The following FER variants were observed in gnomAD, a reference collection of about 807,000 sequenced individuals.
FER encodes FER tyrosine kinase, also known as tyrosine-protein kinase Fer.
Under a neutral mutation model 111.0 loss-of-function variants are expected in FER, and 63 were observed. That is an observed-to-expected ratio of 0.57 (90% CI 0.46 to 0.70). The LOEUF (loss-of-function observed/expected upper bound fraction) is 0.70. Ranked by LOEUF, FER falls within the 30% of genes least tolerant of loss-of-function variation. The pLI is 0.00. For missense variants in FER, 914 were observed against 954.0 expected, an observed-to-expected ratio of 0.96 and a Z score of 0.55; for synonymous variants, 327 against 313.9, an observed-to-expected ratio of 1.04 and a Z score of -0.44.
chr5:108,924,963 A>T (rs1017024458), intron 10 of FER, among the ~76,000 whole-genome samples: 2 of 152,092 alleles, frequency 1.3e-5, no homozygotes, highest in Non-Finnish European at 2.9e-5. Flanking sequence ...CTTAGATGCT[A>T]AACCAAAGCC....
chr5:108,802,704 G>C (rs969022806), intron 3 of FER, among the ~76,000 whole-genome samples: 1 of 151,862 alleles, frequency 6.6e-6, no homozygotes, highest in African/African-American at 2.4e-5. Context: ...TCTTTTTTAT[G>C]ACCATATAGT....
At chr5:109,131,324 T>A (rs1296611708) in intron 17 of FER, among the ~76,000 whole-genome samples, 6 of 152,190 alleles carry the variant, frequency 3.9e-5, no homozygotes, top group Non-Finnish European at 8.8e-5. Flanking sequence ...TCAGCCTTCC[T>A]TAATACAACC....
chr5:108,864,272 A>G (rs1763812825), intron 5 of FER, among the ~76,000 whole-genome samples: 1 of 152,156 alleles, frequency 6.6e-6, no homozygotes, highest in Non-Finnish European at 1.5e-5. Context: ...AGTCTGCCAG[A>G]AGGTTTGTTT....
At chr5:108,913,628 C>T (rs1314162869) in intron 10 of FER, among the ~76,000 whole-genome samples, 1 of 152,166 alleles carries the variant, frequency 6.6e-6, no homozygotes, top group Non-Finnish European at 1.5e-5. Context: ...TGTGTACACC[C>T]TGTGACTCAG....
chr5:108,817,220 G>A (rs1216357686), intron 3 of FER, among the ~76,000 whole-genome samples: 10 of 150,098 alleles, frequency 6.7e-5, no homozygotes, highest in African/African-American at 2.4e-4. Context: ...AATGAAGAGA[G>A]GCTCTTATGA....
At position 109,146,244 on chromosome 5, in the gene FER, A is replaced by ATTATCTATCTAATATATATATATT. The variant is rs373376729; in HGVS notation, c.2049-34503_2049-34502insTTATCTATCTAATATATATATATT. On this transcript the variant is annotated intron_variant, in intron 17 of 19. Coordinates refer to ENST00000281092, the MANE Select transcript of FER (RefSeq NM_005246.4). ...TATATTATCTATCTAATATATATAT[A>ATTATCTATCTAATATATATATATT]ATCTATCTAATATATATATATATAT... Among the ~76,000 whole-genome samples the ATTATCTATCTAATATATATATATT allele has an allele frequency of 6.3e-3, 424 of 67,232 alleles. 30 individuals carry two copies. Among genetic ancestry groups the ATTATCTATCTAATATATATATATT allele is most frequent in the South Asian group, 0.032 (92 of 2,920 alleles). 44.1% of individuals were successfully genotyped at this position (67,232 alleles called of 152,430 possible). A position where few individuals can be genotyped will look rare whatever the true frequency, so the allele number is the denominator to read the frequency against.
At chr5:109,115,653 TTTTGTTTGTTTG>T (rs143119269) in intron 17 of FER, among the ~76,000 whole-genome samples, 18 of 151,326 alleles carry the variant, frequency 1.2e-4, no homozygotes, top group East Asian at 7.8e-4. Context: ...TTTGTGCAGT[TTTTGTTTGTTTG>T]TTTGTTTGTT....
At chr5:109,162,342 A>T (rs1216693422) in intron 17 of FER, among the ~76,000 whole-genome samples, 1 of 152,116 alleles carries the variant, frequency 6.6e-6, no homozygotes, top group Non-Finnish European at 1.5e-5. Context: ...TAGAAATGCC[A>T]TTTTTTCCAT....
chr5:108,832,633 C>A, intron 3 of FER, 137 bp from the exon 4 acceptor site: 1 of 522,676 alleles, frequency 1.9e-6, no homozygotes, highest in East Asian at 3.5e-5. Context: ...GATCTTTGAA[C>A]AGTTGCCAGA....
chr5:108,968,537 C>T (rs1215692548), intron 13 of FER, among the ~76,000 whole-genome samples: 1 of 151,902 alleles, frequency 6.6e-6, no homozygotes, highest in African/African-American at 2.4e-5. Context: ...CCAAAACTGC[C>T]CTTGGAGGAA....
chr5:109,161,778 G>C (rs1756015001), intron 17 of FER, among the ~76,000 whole-genome samples: 1 of 152,040 alleles, frequency 6.6e-6, no homozygotes, highest in African/African-American at 2.4e-5. Flanking sequence ...TTAGACCCCA[G>C]TGCAACCCCA....
intron 17 of FER, among the ~76,000 whole-genome samples, chr5:109,173,406 C>A (rs1757342094): frequency 6.6e-6 from 1 of 152,208 alleles, no homozygotes; most frequent in Non-Finnish European, 1.5e-5. Flanking sequence ...GTTGAGGCAT[C>A]CAAGCCACCA....
chr5:108,845,702 C>G (rs531379015), intron 5 of FER, among the ~76,000 whole-genome samples: 5 of 152,116 alleles, frequency 3.3e-5, no homozygotes, highest in African/African-American at 1.2e-4. Context: ...TGCCTTGTTC[C>G]TGAACTTAGG....
intron 17 of FER, among the ~76,000 whole-genome samples, chr5:109,152,568 GA>G (rs1754962627): frequency 6.6e-6 from 1 of 151,928 alleles, no homozygotes; most frequent in African/African-American, 2.4e-5. Context: ...TCAGGAAAAA[GA>G]AAGGTCAACA....
intron 8 of FER, among the ~76,000 whole-genome samples, chr5:108,880,419 G>C (rs2150277244): frequency 6.6e-6 from 1 of 152,206 alleles, no homozygotes; most frequent in Non-Finnish European, 1.5e-5. Context: ...TCTGAGGTAG[G>C]GCTCTGTGTT....
At chr5:109,039,826 C>T (rs1770900815) in intron 14 of FER, among the ~76,000 whole-genome samples, 3 of 152,080 alleles carry the variant, frequency 2.0e-5, no homozygotes, top group Middle Eastern at 3.4e-3. Flanking sequence ...AATGAAATGG[C>T]GAGCTGGTGG....
intron 3 of FER, among the ~76,000 whole-genome samples, chr5:108,826,084 A>T (rs562061016): frequency 2.0e-5 from 3 of 152,144 alleles, no homozygotes; most frequent in Non-Finnish European, 2.9e-5. Flanking sequence ...AGCCTTTATT[A>T]TGTTGAGATA....
At chr5:109,115,451 T>A (rs189275149) in intron 17 of FER, among the ~76,000 whole-genome samples, 252 of 152,280 alleles carry the variant, frequency 1.7e-3, no homozygotes, top group African/African-American at 5.8e-3. Flanking sequence ...GAAAAGGATT[T>A]GCATGGAGAT....
chr5:108,766,796 G>A (rs867439891), intron 1 of FER, among the ~76,000 whole-genome samples: 6 of 152,190 alleles, frequency 3.9e-5, no homozygotes, highest in Non-Finnish European at 5.9e-5. Context: ...CTTGGAAGAA[G>A]GGGAGAGTTT....
Sources: gnomAD v4.1 joint callset for allele counts (sites outside exome capture counted in the v4.1 genomes callset) on GRCh38, gnomAD v4.1.1 for gene constraint, MANE v1.5 for transcripts, NCBI Gene and HGNC (gene_info 2026-07-23, HGNC 2026-07-21) for gene names.